The following SPAG16 variants were observed in gnomAD, a reference collection of about 807,000 sequenced individuals.
The protein encoded by SPAG16 is sperm-associated antigen 16 protein.
In SPAG16, 86 loss-of-function variants were observed where a neutral mutation model predicts 80.4. That is an observed-to-expected ratio of 1.07 (90% CI 0.90 to 1.28). SPAG16 has a LOEUF of 1.28. SPAG16 is among the 50% of genes most tolerant of loss of function. The pLI, the probability that SPAG16 is intolerant of heterozygous loss-of-function variation, is 0.00. For missense variants in SPAG16, 870 were observed against 765.3 expected (o/e 1.14, Z -1.61); for synonymous variants, 294 against 265.9 (o/e 1.11, Z -1.03).
intron 5 of SPAG16, among the ~76,000 whole-genome samples, chr2:213,332,341 G>A (rs1237734032): frequency 1.3e-5 from 2 of 152,204 alleles, no homozygotes; most frequent in South Asian, 4.1e-4. Flanking sequence ...AAACCATGAA[G>A]AAATACAAAA....
chr2:213,432,269 T>TA (rs532442602), intron 9 of SPAG16, among the ~76,000 whole-genome samples: 209 of 151,886 alleles, frequency 1.4e-3, no homozygotes, highest in African/African-American at 4.9e-3. Context: ...GAGACCAAGT[T>TA]AAAAAATAAC....
rs1574884021 is a variant in SPAG16, at chr2:213,706,024, A to G, written c.1071-156461A>G. Among the ~76,000 whole-genome samples, 5 of 152,322 alleles carry G rather than the reference A, an allele frequency of 3.3e-5. No homozygotes were observed. The South Asian group carries it at 1.0e-3, about 32-fold the overall frequency. ...CAGAGAAAGTAAGGAAACAAGCTGC[A>G]CTTTACTATTTTATGCTTTGGCAAA... On this transcript the variant is annotated intron_variant, in intron 10 of 15. Transcript: ENST00000331683.
intron 11 of SPAG16, among the ~76,000 whole-genome samples, chr2:213,928,347 C>T (rs561941530): frequency 6.6e-6 from 1 of 152,080 alleles, no homozygotes; most frequent in South Asian, 2.1e-4. Context: ...CCCCCTCGAC[C>T]TCCCAAAGTG....
chr2:213,398,655 A>G (rs988976686), intron 9 of SPAG16, among the ~76,000 whole-genome samples: 6 of 152,136 alleles, frequency 3.9e-5, no homozygotes, highest in East Asian at 1.9e-4. Flanking sequence ...TAGCCATCCA[A>G]TCTAAATTTT....
intron 10 of SPAG16, among the ~76,000 whole-genome samples, chr2:213,665,251 A>G (rs2063560317): frequency 6.6e-6 from 1 of 152,146 alleles, no homozygotes; most frequent in Admixed American, 6.6e-5. Flanking sequence ...AACTGAAGCT[A>G]AATTGTGGCT....
At chr2:214,127,477 T>C (rs1401871277) in intron 14 of SPAG16, among the ~76,000 whole-genome samples, 1 of 151,818 alleles carries the variant, frequency 6.6e-6, no homozygotes, top group Non-Finnish European at 1.5e-5. Flanking sequence ...AGTTACAGGT[T>C]AACAAACAGA....
At chr2:214,374,787 G>T (rs999638574) in intron 15 of SPAG16, among the ~76,000 whole-genome samples, 1 of 152,084 alleles carries the variant, frequency 6.6e-6, no homozygotes, top group Non-Finnish European at 1.5e-5. Flanking sequence ...TACCTCATTC[G>T]ATTAACTAAA....
At chr2:214,094,314 TATATTA>T (rs776006785) in intron 13 of SPAG16, among the ~76,000 whole-genome samples, 2 of 152,144 alleles carry the variant, frequency 1.3e-5, no homozygotes, top group African/African-American at 4.8e-5. Flanking sequence ...CCAGGGCATT[TATATTA>T]ATATTAACAT....
intron 11 of SPAG16, among the ~76,000 whole-genome samples, chr2:213,920,505 C>T (rs573981198): frequency 1.3e-5 from 2 of 152,150 alleles, no homozygotes; most frequent in African/African-American, 4.8e-5. Flanking sequence ...GAGGAAGCTG[C>T]AGTGGGGGTA....
intron 9 of SPAG16, among the ~76,000 whole-genome samples, chr2:213,471,187 C>A (rs984199440): frequency 3.9e-5 from 6 of 152,194 alleles, no homozygotes; most frequent in African/African-American, 1.4e-4. Context: ...TTAATCTTCT[C>A]TTCCTCTTTC....
intron 8 of SPAG16, among the ~76,000 whole-genome samples, chr2:213,368,406 G>A (rs2066439697): frequency 6.6e-6 from 1 of 152,036 alleles, no homozygotes; most frequent in South Asian, 2.1e-4. Flanking sequence ...TTATTGATGG[G>A]ACTTATCTCA....
chr2:214,296,072 C>T (rs998472909), intron 15 of SPAG16, among the ~76,000 whole-genome samples: 9 of 152,124 alleles, frequency 5.9e-5, no homozygotes, highest in Non-Finnish European at 1.2e-4. Context: ...TTTTCAGAAT[C>T]CTCAGTTTCT....
chr2:214,153,481 C>T (rs1283230020), intron 15 of SPAG16, among the ~76,000 whole-genome samples: 1 of 152,086 alleles, frequency 6.6e-6, no homozygotes, highest in Non-Finnish European at 1.5e-5. Context: ...TATTCTGGAA[C>T]AGCTCGTGTC....
intron 10 of SPAG16, among the ~76,000 whole-genome samples, chr2:213,625,114 G>C (rs1269777071): frequency 6.6e-6 from 1 of 152,050 alleles, no homozygotes; most frequent in African/African-American, 2.4e-5. Flanking sequence ...ATTCTAAATG[G>C]AGTGATAATA....
intron 10 of SPAG16, among the ~76,000 whole-genome samples, chr2:213,581,366 A>T (rs969598385): frequency 6.6e-6 from 1 of 151,990 alleles, no homozygotes; most frequent in African/African-American, 2.4e-5. Context: ...ACAGTTATGT[A>T]CCACCATAGT....
intron 6 of SPAG16, among the ~76,000 whole-genome samples, chr2:213,347,841 G>C (rs980635122): frequency 2.6e-5 from 4 of 152,184 alleles, no homozygotes; most frequent in Non-Finnish European, 5.9e-5. Context: ...ACGGTGTGGT[G>C]CTGAAAAGAT....
At chr2:214,300,818 A>T (rs1301636105) in intron 15 of SPAG16, among the ~76,000 whole-genome samples, 2 of 151,916 alleles carry the variant, frequency 1.3e-5, no homozygotes, top group African/African-American at 2.4e-5. Flanking sequence ...TTCACTGCTA[A>T]GTTTTACCAA....
At chr2:213,459,876 C>CAGATG (rs1309930207) in intron 9 of SPAG16, among the ~76,000 whole-genome samples, 9 of 152,204 alleles carry the variant, frequency 5.9e-5, no homozygotes, top group African/African-American at 2.2e-4. Context: ...CCTTGTTCAT[C>CAGATG]ATTACTGAAA....
chr2:213,858,272 G>T (rs906078419), intron 10 of SPAG16, among the ~76,000 whole-genome samples: 20 of 152,076 alleles, frequency 1.3e-4, no homozygotes, highest in African/African-American at 4.6e-4. Flanking sequence ...GAAATGAAAA[G>T]TACATCAATG....
Sources: allele counts gnomAD v4.1 joint callset (sites outside exome capture counted in the v4.1 genomes callset), GRCh38; gene constraint gnomAD v4.1.1; transcripts MANE v1.5; gene names NCBI Gene and HGNC (gene_info 2026-07-23, HGNC 2026-07-21).